ZNF292: variants seen among roughly 807,000 people sequenced by gnomAD.
ZNF292 encodes the protein 16 zinc-finger domain protein.
Under a neutral mutation model 217.9 loss-of-function variants are expected in ZNF292, and 26 were observed. That is an observed-to-expected ratio of 0.12 (90% CI 0.09 to 0.17). ZNF292 has a LOEUF of 0.17. Ranked by LOEUF, ZNF292 falls within the 10% of genes least tolerant of loss-of-function variation. ZNF292 has a pLI of 1.00. For synonymous variants in ZNF292, 1,257 were observed against 1,124.1 expected, an observed-to-expected ratio of 1.12 and a Z score of -2.37; for missense variants, 2,904 against 3,175.2, an observed-to-expected ratio of 0.91 and a Z score of 2.05.
At chr6:87,216,485 CAT>C (rs1382410350) in intron 3 of ZNF292, 108 bp downstream of exon 3, 2 of 752,524 alleles carry the variant, frequency 2.7e-6, no homozygotes, top group Non-Finnish European at 4.3e-6. Flanking sequence ...TAATGACAGA[CAT>C]TAATTACTGA....
At position 87,259,623 on chromosome 6, in the gene ZNF292, G is replaced by A. The variant is rs16878809; in HGVS notation, c.5994G>A (p.Pro1998=). 71,823 of 1,581,572 alleles carry A rather than the reference G, an allele frequency of 0.045. 2,742 individuals carry two copies. The highest frequency in any genetic ancestry group is 0.2 in the African/African-American group (14,828 of 74,142). ...YGRKSQSENV[P]ASRSTQVKKQ... is the part of the protein sequence containing the mutation. ...GAAAATCTCAGAGTGAAAATGTGCC[G>A]GCCTCACGAAGTACACAAGTGAAAA... Residue 1998 remains proline, a synonymous_variant, in exon 8 of 8, where the codon CCG becomes CCA. Coordinates refer to ENST00000369577, the MANE Select transcript of ZNF292 (RefSeq NM_015021.3).
intron 1 of ZNF292, among the ~76,000 whole-genome samples, chr6:87,179,840 G>A (rs544077837): frequency 2.0e-5 from 3 of 152,136 alleles, no homozygotes; most frequent in Non-Finnish European, 2.9e-5. Context: ...CTCCATGTAC[G>A]GAGACATTAC....
chr6:87,260,041 G>A lies in ZNF292; in HGVS notation c.6412G>A (p.Val2138Ile). The change falls in exon 8 of 8, where the codon GTA becomes ATA. Residue 2138 changes from valine to isoleucine, a missense_variant. This residue lies in a region of ZNF292 where 261 missense variants were observed against 272.8 expected (regional missense o/e 0.96). Transcript: ENST00000369577. ...AAACTTGATTCTCCATTACCAGGCT[G>A]TACACAAATCAGATCTACCTGCATT... ...QQNLILHYQA[V>I]HKSDLPAFSA... 6.2e-7 allele frequency: 1 copy of A among 1,613,578 alleles called. No individual in the cohort carries two copies. Among genetic ancestry groups the A allele is most frequent in the Non-Finnish European group, 8.5e-7 (1 of 1,179,638 alleles).
At chr6:87,227,685 A>G (rs1385781830) in intron 4 of ZNF292, among the ~76,000 whole-genome samples, 1 of 152,058 alleles carries the variant, frequency 6.6e-6, no homozygotes, top group Admixed American at 6.5e-5. Context: ...AAACAGTATC[A>G]TATCATATTT....
intron 1 of ZNF292, among the ~76,000 whole-genome samples, chr6:87,209,426 C>G (rs962856361): frequency 1.3e-5 from 2 of 152,142 alleles, no homozygotes; most frequent in East Asian, 1.9e-4. Context: ...CATTTCTACA[C>G]AAAACCTTAA....
chr6:87,209,958 A>T (rs1772412831), intron 1 of ZNF292, among the ~76,000 whole-genome samples: 1 of 152,220 alleles, frequency 6.6e-6, no homozygotes, highest in African/African-American at 2.4e-5. Context: ...TGAATGTAAT[A>T]ATATAACCAT....
chr6:87,210,049 G>A (rs767146418), intron 1 of ZNF292, among the ~76,000 whole-genome samples: 3 of 152,018 alleles, frequency 2.0e-5, no homozygotes, highest in Admixed American at 6.6e-5. Flanking sequence ...TAACACCCCC[G>A]CGGTTTTATT....
At chr6:87,240,079 C>T (rs1233740178) in intron 5 of ZNF292, among the ~76,000 whole-genome samples, 3 of 152,122 alleles carry the variant, frequency 2.0e-5, no homozygotes, top group East Asian at 1.9e-4. Context: ...ACTGAGTGAA[C>T]GAGACTCCAT....
chr6:87,160,127 T>TTA (rs1230839163), intron 1 of ZNF292, among the ~76,000 whole-genome samples: 1 of 152,188 alleles, frequency 6.6e-6, no homozygotes, highest in African/African-American at 2.4e-5. Context: ...TTCAAAGAGT[T>TTA]TATAGTCTCT....
chr6:87,203,988 C>T (rs971990577), intron 1 of ZNF292, among the ~76,000 whole-genome samples: 1 of 152,112 alleles, frequency 6.6e-6, no homozygotes, highest in South Asian at 2.1e-4. Flanking sequence ...GAACATCATC[C>T]ATAATGTGTA....
At chr6:87,165,446 T>C (rs905518501) in intron 1 of ZNF292, among the ~76,000 whole-genome samples, 9 of 152,218 alleles carry the variant, frequency 5.9e-5, no homozygotes, top group Admixed American at 4.6e-4. Flanking sequence ...GAGTAAGATA[T>C]AACTTTATTT....
At position 87,255,320 on chromosome 6, in the gene ZNF292, A is replaced by G; in HGVS notation, c.1691A>G (p.Tyr564Cys). 6.2e-7 allele frequency: 1 copy of G among 1,613,886 alleles called. No homozygotes were observed. The highest frequency in any genetic ancestry group is 1.3e-5 in the African/African-American group (1 of 75,066). ...HRIVRHAQKH[Y>C]KDGIYSCPIC... ...ATAGTACGACATGCTCAGAAACATT[A>G]CAAAGATGGAATTTATAGTTGCCCC... The change falls in exon 8 of 8, where the codon TAC becomes TGC. Residue 564 changes from tyrosine to cysteine, a missense_variant. Coordinates refer to ENST00000369577, the MANE Select transcript of ZNF292 (RefSeq NM_015021.3).
Position 87,254,841 on chromosome 6 carries a change from T to C in ZNF292, c.1212T>C (p.Tyr404=), listed in dbSNP as rs1775123508. ...TTGAGCCTACAGTAGATGCGTATTA[T>C]GCTGTGGAAATGTTGTATAATCAGC... ...FLIEPTVDAY[Y]AVEMLYNQPD... The change falls in exon 8 of 8, where the codon TAT becomes TAC. Residue 404 remains tyrosine (Y), a synonymous_variant. Transcript: ENST00000369577. The C allele has an allele frequency of 1.2e-5, 19 of 1,613,900 alleles. No homozygotes were observed. The highest frequency in any genetic ancestry group is 1.6e-5 in the Non-Finnish European group (19 of 1,179,830).
chr6:87,235,321 G>C (rs1283298245), intron 5 of ZNF292, among the ~76,000 whole-genome samples: 1 of 151,986 alleles, frequency 6.6e-6, no homozygotes, highest in East Asian at 1.9e-4. Flanking sequence ...TTTATTATCA[G>C]TTCAGTCCCT....
At chr6:87,165,082 C>T (rs1490695029) in intron 1 of ZNF292, among the ~76,000 whole-genome samples, 1 of 152,062 alleles carries the variant, frequency 6.6e-6, no homozygotes, top group Non-Finnish European at 1.5e-5. Flanking sequence ...TCTTTATTTA[C>T]TATGCTTGTT....
chr6:87,259,790 A>C lies in ZNF292; in HGVS notation c.6161A>C (p.Glu2054Ala). The C allele has an allele frequency of 6.2e-7, 1 of 1,606,864 alleles. No homozygotes were observed. The highest frequency in any genetic ancestry group is 8.5e-7 in the Non-Finnish European group (1 of 1,176,422). ...GAAAAAAAAAGTCCTGACAAAACAG[A>C]AAGTTCTTTACAAGTGATTACAGTT... ...LVEKKSPDKT[E>A]SSLQVITVTS... The change falls in exon 8 of 8, where the codon GAA (glutamate) becomes GCA (alanine). Residue 2054 changes from glutamate to alanine, a missense_variant. Physicochemically the swap from Glu to Ala is moderately radical, Grantham distance 107 (BLOSUM62 -1). Coordinates refer to ENST00000369577, the MANE Select transcript of ZNF292 (RefSeq NM_015021.3).
chr6:87,260,902 A>G lies in ZNF292; in HGVS notation c.7273A>G (p.Ile2425Val), dbSNP rs749805008. ...TACATCACAACACCGAAATCTTCTT[A>G]TTGTATTCAAACGGTGTTGCAACTC... The part of the protein sequence containing the change: ...AFTSQHRNLL[I>V]VFKRCCNSQV... The change falls in exon 8 of 8, where the codon ATT (isoleucine) becomes GTT (valine). Residue 2425 changes from isoleucine to valine, a missense_variant. Physicochemically the swap from Ile to Val is conservative, Grantham distance 29. This residue lies in a region of ZNF292 where 380 missense variants were observed against 355.3 expected (regional missense o/e 1.07). Coordinates refer to ENST00000369577, the MANE Select transcript of ZNF292 (RefSeq NM_015021.3). 1 of 1,610,720 alleles carries G rather than the reference A, an allele frequency of 6.2e-7. No homozygotes were observed. The highest frequency in any genetic ancestry group is 2.2e-5 in the East Asian group (1 of 44,790).
chr6:87,221,420 C>G (rs1773076547), intron 4 of ZNF292, among the ~76,000 whole-genome samples: 2 of 152,176 alleles, frequency 1.3e-5, no homozygotes, highest in Admixed American at 6.5e-5. Flanking sequence ...AGCTTTTGCT[C>G]AAACACTTCT....
chr6:87,245,586 C>A lies in ZNF292; in HGVS notation c.962C>A (p.Ser321Tyr). Residue 321 changes from serine to tyrosine, a missense_variant, in exon 7 of 8, where the codon TCT becomes TAT. Transcript: ENST00000369577. ...QVYLERCRQL[S>Y]LLTKTVYHIF... Reference sequence around the variant, plus strand: ...TACCTTGAGAGGTGTCGTCAACTTTCTTTGTTAACGAAAACAGTATATCAC... The same window carrying A: ...TACCTTGAGAGGTGTCGTCAACTTTATTTGTTAACGAAAACAGTATATCAC... 6.4e-7 allele frequency: 1 copy of A among 1,559,280 alleles called. No individual in the cohort carries two copies. Among genetic ancestry groups the A allele is most frequent in the Admixed American group, 1.8e-5 (1 of 54,244 alleles).
Sources: gnomAD v4.1 joint callset for allele counts (sites outside exome capture counted in the v4.1 genomes callset) on GRCh38, gnomAD v4.1.1 for gene constraint, gnomAD v4.1.1 regional missense constraint, MANE v1.5 for transcripts, NCBI Gene and HGNC (gene_info 2026-07-23, HGNC 2026-07-21) for gene names.